The following CRYBG1 variants were observed in gnomAD, a reference collection of about 807,000 sequenced individuals.
CRYBG1 encodes the protein crystallin beta-gamma domain containing 1, also known as beta/gamma crystallin domain-containing protein 1.
In CRYBG1, 139 loss-of-function variants were observed where a neutral mutation model predicts 189.2. The observed-to-expected ratio is 0.73, with a 90% CI of 0.64 to 0.85. CRYBG1 has a LOEUF of 0.85. CRYBG1 is among the 40% of genes least tolerant of loss of function. CRYBG1 has a pLI of 0.00. For missense variants in CRYBG1, 2,611 were observed against 2,675.8 expected (o/e 0.98, Z 0.53); for synonymous variants, 1,023 against 1,017.1 (o/e 1.01, Z -0.11).
intron 2 of CRYBG1, among the ~76,000 whole-genome samples, chr6:106,483,402 A>AT (rs1361096436): frequency 5.4e-4 from 48 of 88,154 alleles, no homozygotes; most frequent in Admixed American, 2.2e-3. Context: ...ATATATATAT[A>AT]AAACATTTTC....
At position 106,570,021 on chromosome 6, in the gene CRYBG1, G is replaced by A. The variant is rs769624551; in HGVS notation, c.*1455G>A. The A allele has an allele frequency of 2.6e-5, 4 of 152,178 alleles. No individual in the cohort carries two copies. Among genetic ancestry groups the A allele is most frequent in the Non-Finnish European group, 2.9e-5 (2 of 68,044 alleles). The allele number at this position is 152,178 out of a possible 1,614,324, so 9.4% of individuals were successfully genotyped here. ...AAGCATTTCAAAATGCAAACAAACT[G>A]CTTAACAACTGACAAGACACCAGCC... On this transcript the variant is annotated 3_prime_UTR_variant, in exon 22 of 22. Coordinates refer to ENST00000633556, the MANE Select transcript of CRYBG1 (RefSeq NM_001371242.2).
intron 10 of CRYBG1, among the ~76,000 whole-genome samples, chr6:106,542,283 GT>G (rs35839968): frequency 0.79 from 89,587 of 112,968 alleles, 33,914 homozygotes; most frequent in South Asian, 0.85. Flanking sequence ...ATTATTTAGG[GT>G]TTTTTTTTTT....
At chr6:106,400,354 T>C (rs371605268) in intron 1 of CRYBG1, among the ~76,000 whole-genome samples, 1 of 152,222 alleles carries the variant, frequency 6.6e-6, no homozygotes, top group Non-Finnish European at 1.5e-5. Flanking sequence ...TTGTCAAATC[T>C]TACTTGAGAC....
intron 7 of CRYBG1, among the ~76,000 whole-genome samples, chr6:106,528,280 G>A (rs558623800): frequency 5.3e-5 from 8 of 152,116 alleles, no homozygotes; most frequent in Non-Finnish European, 7.4e-5. Flanking sequence ...TATATAATAC[G>A]AGAAGACTAA....
chr6:106,374,747 T>C (rs561570897), intron 1 of CRYBG1, among the ~76,000 whole-genome samples: 3 of 152,330 alleles, frequency 2.0e-5, no homozygotes, highest in Non-Finnish European at 2.9e-5. Context: ...TGTAAAGATA[T>C]GCATATTGAT....
intron 2 of CRYBG1, among the ~76,000 whole-genome samples, chr6:106,505,315 C>T (rs543537472): frequency 1.3e-5 from 2 of 152,136 alleles, no homozygotes; most frequent in East Asian, 1.9e-4. Context: ...AGGATGGTCT[C>T]GATCTCTTGA....
intron 1 of CRYBG1, among the ~76,000 whole-genome samples, chr6:106,379,874 C>T (rs565583151): frequency 1.3e-5 from 2 of 152,324 alleles, no homozygotes; most frequent in Admixed American, 6.5e-5. Context: ...CTACCATGCT[C>T]AGCCATGATT....
intron 2 of CRYBG1, among the ~76,000 whole-genome samples, chr6:106,489,489 G>T (rs997680283): frequency 6.6e-6 from 1 of 151,854 alleles, no homozygotes; most frequent in East Asian, 1.9e-4. Context: ...TATAGGAAAA[G>T]ATATAATTCC....
At chr6:106,497,980 A>G (rs57006401) in intron 2 of CRYBG1, among the ~76,000 whole-genome samples, 3,962 of 152,260 alleles carry the variant, frequency 0.026, 182 homozygotes, top group African/African-American at 0.091. Flanking sequence ...GCACGCCTGT[A>G]GTCCCAGCTG....
chr6:106,547,642 T>C (rs774202121), intron 13 of CRYBG1, among the ~76,000 whole-genome samples: 31 of 152,246 alleles, frequency 2.0e-4, no homozygotes, highest in Non-Finnish European at 3.8e-4. Flanking sequence ...TTAGCTTGGT[T>C]CTTTATTTCT....
chr6:106,549,701 T>C (rs1052609682), intron 13 of CRYBG1, among the ~76,000 whole-genome samples: 12 of 152,290 alleles, frequency 7.9e-5, no homozygotes, highest in Admixed American at 3.3e-4. Flanking sequence ...GTGGTGCATA[T>C]AGCAGCTTCT....
rs1465766483 is a variant in CRYBG1 at position 106,519,849 on chromosome 6, C to T, written c.2641C>T (p.Pro881Ser). 3.1e-6 allele frequency: 5 copies of T among 1,614,204 alleles called. No homozygotes were observed. Among genetic ancestry groups the T allele is most frequent in the Non-Finnish European group, 4.2e-6 (5 of 1,180,032 alleles). The change falls in exon 4 of 22, where the codon CCT becomes TCT. Residue 881 changes from proline (P) to serine (S), a missense_variant. By Grantham distance (74) the Pro-to-Ser change is moderately conservative. This residue lies in a region of CRYBG1 where 1,622 missense variants were observed against 1,735.0 expected (regional missense o/e 0.93). Transcript: ENST00000633556. ...TTCTCTTTCACTGTCTGCACCCGCTCCTGGGGATGTTCCCAAAGACACATG... is the reference window on the plus strand; with the variant it reads ...TTCTCTTTCACTGTCTGCACCCGCTTCTGGGGATGTTCCCAAAGACACATG... Reference protein sequence around the residue: ...GPSLSLSAPAPGDVPKDTCVQ... With the variant: ...GPSLSLSAPASGDVPKDTCVQ...
chr6:106,566,766 C>T (rs866432821), intron 21 of CRYBG1, among the ~76,000 whole-genome samples: 2 of 152,108 alleles, frequency 1.3e-5, no homozygotes, highest in Non-Finnish European at 2.9e-5. Context: ...AATATAAACA[C>T]GTCTCTTCTC....
At chr6:106,435,274 T>G (rs942653596) in intron 1 of CRYBG1, among the ~76,000 whole-genome samples, 1 of 151,954 alleles carries the variant, frequency 6.6e-6, no homozygotes, top group Non-Finnish European at 1.5e-5. Flanking sequence ...CAAGCCATCC[T>G]CCTCCCACCT....
chr6:106,524,344 C>T (rs1389042883), intron 4 of CRYBG1, among the ~76,000 whole-genome samples: 10 of 152,006 alleles, frequency 6.6e-5, no homozygotes, highest in African/African-American at 2.4e-5. Flanking sequence ...AGGCGGATCA[C>T]GAGGTCAAGA....
At chr6:106,543,082 G>C (rs1224987463) in intron 10 of CRYBG1, among the ~76,000 whole-genome samples, 1 of 149,416 alleles carries the variant, frequency 6.7e-6, no homozygotes, top group African/African-American at 2.5e-5. Flanking sequence ...ACCCAGGCTG[G>C]AGTGCAGTGA....
intron 13 of CRYBG1, among the ~76,000 whole-genome samples, chr6:106,549,349 A>G (rs1774346916): frequency 6.6e-6 from 1 of 152,138 alleles, no homozygotes; most frequent in South Asian, 2.1e-4. Context: ...ACAAACTTTC[A>G]CAAAGGTTAA....
At chr6:106,464,288 T>A (rs1214275189) in intron 2 of CRYBG1, among the ~76,000 whole-genome samples, 1 of 151,002 alleles carries the variant, frequency 6.6e-6, no homozygotes, top group Non-Finnish European at 1.5e-5. Flanking sequence ...AGGTCAGGAG[T>A]TCAAGACCAG....
chr6:106,411,075 A>C (rs1770920101), intron 1 of CRYBG1, among the ~76,000 whole-genome samples: 1 of 152,198 alleles, frequency 6.6e-6, no homozygotes, highest in Non-Finnish European at 1.5e-5. Flanking sequence ...AACCCCTGGG[A>C]GATTGATTTT....
Sources: gnomAD v4.1 joint callset for allele counts (sites outside exome capture counted in the v4.1 genomes callset) on GRCh38, gnomAD v4.1.1 for gene constraint, gnomAD v4.1.1 regional missense constraint, MANE v1.5 for transcripts, NCBI Gene and HGNC (gene_info 2026-07-23, HGNC 2026-07-21) for gene names.